ERAP1: variants seen among roughly 807,000 people sequenced by gnomAD.
ERAP1 encodes endoplasmic reticulum aminopeptidase 1, also known as adipocyte-derived leucine aminopeptidase.
Under a neutral mutation model 103.7 loss-of-function variants are expected in ERAP1, and 86 were observed. The ratio of observed to expected loss-of-function variants is 0.83; its 90% CI spans 0.70 to 0.99. The LOEUF is 0.99. ERAP1 is among the 50% of genes least tolerant of loss of function. The probability of loss-of-function intolerance (pLI) is 0.00; values close to 1 mark genes in which losing one functional copy is unlikely to be tolerated. For missense variants in ERAP1, 1,009 were observed against 1,128.4 expected (o/e 0.89, Z 1.52); for synonymous variants, 398 against 402.4 (o/e 0.99, Z 0.13).
At chr5:96,886,466 G>A in the ERAP1 span, among the ~76,000 whole-genome samples, 1 of 152,228 alleles carries the variant, frequency 6.6e-6, no homozygotes, top group African/African-American at 2.4e-5. Flanking sequence ...TTTCAACAGA[G>A]TGTTGGGGTA....
At chr5:96,779,503 C>T (rs2150892904) in intron 18 of ERAP1, 1 of 152,232 alleles carries the variant, frequency 6.6e-6, no homozygotes, top group Non-Finnish European at 1.5e-5. Flanking sequence ...CTGTAACAAC[C>T]CTTCATTCTT....
chr5:96,772,681 T>C (rs925151631), downstream of ERAP1: 1 of 152,742 alleles, frequency 6.5e-6, no homozygotes, highest in Non-Finnish European at 1.5e-5. Flanking sequence ...TGGTGACTTT[T>C]GAAGAACAAA....
At chr5:96,883,912 A>G in the ERAP1 span, 5 of 1,610,710 alleles carry the variant, frequency 3.1e-6, no homozygotes, top group Non-Finnish European at 3.4e-6. Context: ...GGCATATTGC[A>G]CTATCCAACA....
chr5:96,814,407 T>C, the ERAP1 span: 8,701 of 445,506 alleles, frequency 0.02, 233 homozygotes, highest in Admixed American at 0.078. Flanking sequence ...TTACTGCACA[T>C]TGAAGATATT....
chr5:96,831,408 A>G, the ERAP1 span, among the ~76,000 whole-genome samples: 1 of 152,224 alleles, frequency 6.6e-6, no homozygotes, highest in Non-Finnish European at 1.5e-5. Context: ...GCACATCCAA[A>G]TCATATCACT....
At chr5:96,885,760 T>C in the ERAP1 span, among the ~76,000 whole-genome samples, 1 of 152,210 alleles carries the variant, frequency 6.6e-6, no homozygotes, top group African/African-American at 2.4e-5. Flanking sequence ...TTTCAGATTA[T>C]TGGATCTGTA....
chr5:96,931,550 G>A, the ERAP1 span, among the ~76,000 whole-genome samples: 1 of 152,198 alleles, frequency 6.6e-6, no homozygotes, highest in African/African-American at 2.4e-5. Flanking sequence ...GAGGGTGCAT[G>A]AAAGAATGCT....
chr5:96,854,790 T>C, the ERAP1 span, among the ~76,000 whole-genome samples: 6,032 of 152,270 alleles, frequency 0.04, 234 homozygotes, highest in East Asian at 0.12. Flanking sequence ...TTTATTTTTC[T>C]TTTAAAATGA....
the ERAP1 span, among the ~76,000 whole-genome samples, chr5:96,838,785 A>C: frequency 6.6e-6 from 1 of 150,922 alleles, no homozygotes; most frequent in South Asian, 2.1e-4. Flanking sequence ...ATATGGGAGA[A>C]GAACTGTGTA....
the ERAP1 span, among the ~76,000 whole-genome samples, chr5:96,903,767 T>A: frequency 6.6e-6 from 1 of 152,212 alleles, no homozygotes; most frequent in East Asian, 1.9e-4. Flanking sequence ...TATTTTAAAA[T>A]GTGGAGAACT....
At position 96,777,698 on chromosome 5, in the gene ERAP1, C is replaced by G. The variant is rs181890644; in HGVS notation, c.2671-1147G>C. The stretch of plus-strand genomic sequence containing the variant: ...TTAAAAATCACTGAGCACTACTCAA[C>G]AAAGCACATCAATAATTTTACTAAT... On this transcript the variant is annotated intron_variant, in intron 18 of 18. Coordinates refer to ENST00000443439, the MANE Select transcript of ERAP1 (RefSeq NM_001040458.3). 2.6e-5 allele frequency among the ~76,000 whole-genome samples: 4 copies of G among 152,308 alleles called. No individual in the cohort carries two copies. The East Asian group carries it at 7.7e-4, about 29-fold the overall frequency.
the ERAP1 span, among the ~76,000 whole-genome samples, chr5:96,899,727 G>A: frequency 6.6e-6 from 1 of 152,196 alleles, no homozygotes; most frequent in African/African-American, 2.4e-5. Context: ...TCAGGGGAGA[G>A]TTAACAGTAC....
the ERAP1 span, among the ~76,000 whole-genome samples, chr5:96,874,136 G>GAGAA: frequency 0.16 from 19,186 of 118,460 alleles, 1,829 homozygotes; most frequent in Non-Finnish European, 0.21. Flanking sequence ...GAAAGAGAGA[G>GAGAA]AGAAAGAAAG....
the ERAP1 span, among the ~76,000 whole-genome samples, chr5:96,891,521 ATATACG>A: frequency 1.6e-4 from 5 of 30,450 alleles, no homozygotes; most frequent in Non-Finnish European, 2.7e-4. Context: ...ATATATGCCC[ATATACG>A]GTATATATAC....
chr5:96,811,728 G>A (rs909855266), upstream of ERAP1, among the ~76,000 whole-genome samples: 2 of 152,256 alleles, frequency 1.3e-5, no homozygotes, highest in African/African-American at 4.8e-5. Context: ...AGCAAGTTGA[G>A]TGACCACAGC....
At position 96,795,133 on chromosome 5, in the gene ERAP1, T is replaced by C. The variant is rs26618; in HGVS notation, c.828A>G (p.Ile276Met). The C allele has an allele frequency of 0.23, 372,687 of 1,613,306 alleles. 43,473 individuals are homozygous for C. The highest frequency in any genetic ancestry group is 0.26 in the East Asian group (11,682 of 44,812). ...CATCCAGTGCATAATCTGCTTGATT[T>C]ATCTTGTCTGGCACAGCATAAACAG... ...KVSVYAVPDKINQADYALDAA... is the reference protein window; with the variant it reads ...KVSVYAVPDKMNQADYALDAA... The change falls in exon 5 of 19, where the codon ATA becomes ATG. Residue 276 changes from isoleucine (I) to methionine (M), a missense_variant. Physicochemically the swap from Ile to Met is conservative, Grantham distance 10. Transcript: ENST00000443439.
the ERAP1 span, among the ~76,000 whole-genome samples, chr5:96,836,698 T>C: frequency 5.8e-4 from 88 of 152,310 alleles, no homozygotes; most frequent in African/African-American, 2.0e-3. Context: ...AGCACTTACA[T>C]AAAAATAATT....
In ERAP1 at chr5:96,796,541, G is replaced by A. The variant is rs1777364076; in HGVS notation, c.798+634C>T. The stretch of plus-strand genomic sequence containing the variant: ...ACCTTAGAGACCATTGCAGGATCTA[G>A]TCCAAGTTATACCTTCCAAAGAAGT... On this transcript the variant is annotated intron_variant, in intron 4 of 18. Transcript: ENST00000443439. 2.0e-5 allele frequency among the ~76,000 whole-genome samples: 3 copies of A among 152,200 alleles called. No homozygotes were observed. The South Asian group carries it at 6.2e-4, about 32-fold the overall frequency.
At chr5:96,868,866 T>C in the ERAP1 span, among the ~76,000 whole-genome samples, 6 of 152,134 alleles carry the variant, frequency 3.9e-5, no homozygotes, top group Non-Finnish European at 8.8e-5. Context: ...GATTTAGTAA[T>C]GGTATCATAA....
Sources: allele counts gnomAD v4.1 joint callset (sites outside exome capture counted in the v4.1 genomes callset), GRCh38; gene constraint gnomAD v4.1.1; transcripts MANE v1.5; gene names NCBI Gene and HGNC (gene_info 2026-07-23, HGNC 2026-07-21).